Variants in LIMCH1 observed in about 807,000 individuals in gnomAD.
LIMCH1 encodes LIM and calponin homology domains-containing protein 1.
A neutral mutation model predicts 176.5 loss-of-function variants in LIMCH1; 113 were observed. The ratio of observed to expected loss-of-function variants is 0.64; its 90% CI spans 0.55 to 0.75. The LOEUF is 0.75. Ranked by LOEUF, LIMCH1 falls within the 30% of genes least tolerant of loss-of-function variation. The pLI, the probability that LIMCH1 is intolerant of heterozygous loss-of-function variation, is 0.00. For synonymous variants in LIMCH1, 619 were observed against 645.9 expected (o/e 0.96, Z 0.63); for missense variants, 1,674 against 1,814.9 (o/e 0.92, Z 1.41).
intron 1 of LIMCH1, among the ~76,000 whole-genome samples, chr4:41,411,480 A>G (rs979027206): frequency 1.3e-5 from 2 of 152,020 alleles, no homozygotes; most frequent in African/African-American, 4.8e-5. Context: ...AGTAGCTGGG[A>G]CTATAGGTGC....
chr4:41,580,498 A>T (rs2085236621), intron 1 of LIMCH1, among the ~76,000 whole-genome samples: 1 of 152,218 alleles, frequency 6.6e-6, no homozygotes, highest in Non-Finnish European at 1.5e-5. Context: ...AGTGAAAGTT[A>T]TCAGAGAAGA....
intron 4 of LIMCH1, 79 bp downstream of exon 4, chr4:41,606,083 C>T: frequency 1.0e-6 from 1 of 960,894 alleles, no homozygotes; most frequent in Non-Finnish European, 1.6e-6. Flanking sequence ...TTTAAGATTA[C>T]TAGAGTACTG....
At chr4:41,609,558 A>G (rs1105886) in intron 4 of LIMCH1, 314,637 of 438,634 alleles carry the variant, frequency 0.72, 114,196 homozygotes, top group East Asian at 0.86. Flanking sequence ...AATGTTGAGC[A>G]GTAAAAGAGA....
chr4:41,681,587 C>G (rs1432983022), intron 25 of LIMCH1, among the ~76,000 whole-genome samples: 1 of 151,996 alleles, frequency 6.6e-6, no homozygotes, highest in Non-Finnish European at 1.5e-5. Flanking sequence ...ATCCCTTAAG[C>G]CAAGGAGGTA....
At chr4:41,581,720 C>T (rs552748024) in intron 1 of LIMCH1, among the ~76,000 whole-genome samples, 9 of 143,798 alleles carry the variant, frequency 6.3e-5, no homozygotes, top group East Asian at 2.2e-4. Flanking sequence ...GCAGGAGAAT[C>T]GTTTGAACCT....
At chr4:41,679,889 A>G in intron 23 of LIMCH1, 117 bp from the exon 24 acceptor site, 3 of 633,710 alleles carry the variant, frequency 4.7e-6, no homozygotes, top group Non-Finnish European at 8.2e-6. Context: ...TAAATTCAGA[A>G]TCCTAACAAG....
chr4:41,400,539 C>G (rs1012656695), intron 1 of LIMCH1, among the ~76,000 whole-genome samples: 3 of 152,100 alleles, frequency 2.0e-5, no homozygotes, highest in African/African-American at 7.2e-5. Flanking sequence ...TACTCTCTCT[C>G]TTATTATGTG....
intron 23 of LIMCH1, 23 bp from the exon 24 acceptor site, chr4:41,679,983 A>C (rs572625141): frequency 6.5e-7 from 1 of 1,547,946 alleles, no homozygotes; most frequent in Admixed American, 1.7e-5. Flanking sequence ...AGTTGAGAAC[A>C]ATCTATGGAA....
chr4:41,629,404 A>C (rs1044242992), intron 8 of LIMCH1, 88 bp from the exon 9 acceptor site: 2 of 1,436,532 alleles, frequency 1.4e-6, no homozygotes, highest in African/African-American at 2.8e-5. Context: ...TCAGCCTGTG[A>C]GTTTCCATGC....
At chr4:41,605,363 T>G in intron 3 of LIMCH1, among the ~76,000 whole-genome samples, 1 of 152,206 alleles carries the variant, frequency 6.6e-6, no homozygotes, top group East Asian at 1.9e-4. Context: ...TTTAATTAGA[T>G]ATATTATGTT....
intron 21 of LIMCH1, among the ~76,000 whole-genome samples, chr4:41,667,707 C>T (rs2094876101): frequency 6.6e-6 from 1 of 152,078 alleles, no homozygotes; most frequent in Non-Finnish European, 1.5e-5. Context: ...TCCCAGGTGC[C>T]CATGACCACC....
intron 2 of LIMCH1, among the ~76,000 whole-genome samples, chr4:41,505,071 T>G (rs2073970577): frequency 6.6e-6 from 1 of 152,164 alleles, no homozygotes; most frequent in African/African-American, 2.4e-5. Context: ...GAATTGAAAA[T>G]ATGTATAAAA....
intron 2 of LIMCH1, among the ~76,000 whole-genome samples, chr4:41,500,619 A>G (rs991798438): frequency 2.6e-5 from 4 of 152,202 alleles, no homozygotes; most frequent in Admixed American, 2.6e-4. Context: ...TTATTTTCCA[A>G]TTCTTGCTTT....
chr4:41,381,996 T>A (rs1383057988), intron 1 of LIMCH1, among the ~76,000 whole-genome samples: 1 of 152,232 alleles, frequency 6.6e-6, no homozygotes, highest in Non-Finnish European at 1.5e-5. Flanking sequence ...CATTGCCAGA[T>A]GCCCCCAAGG....
At chr4:41,462,794 CT>C (rs925254248) in intron 1 of LIMCH1, among the ~76,000 whole-genome samples, 2 of 152,062 alleles carry the variant, frequency 1.3e-5, no homozygotes, top group Non-Finnish European at 2.9e-5. Context: ...GTCTGTTTGG[CT>C]TTTTTTCCCC....
chr4:41,676,231 T>G (rs2095213643), intron 22 of LIMCH1, 151 bp from the exon 23 acceptor site: 1 of 536,042 alleles, frequency 1.9e-6, no homozygotes, highest in African/African-American at 1.9e-5. Context: ...AAATGGTTTC[T>G]GCCACCAAAG....
intron 1 of LIMCH1, among the ~76,000 whole-genome samples, chr4:41,387,377 A>G (rs2056640005): frequency 6.6e-6 from 1 of 152,248 alleles, no homozygotes; most frequent in Admixed American, 6.5e-5. Context: ...AAATACATTT[A>G]TTTTACAATG....
intron 1 of LIMCH1, among the ~76,000 whole-genome samples, chr4:41,367,883 A>AAG (rs1554014950): frequency 2.7e-5 from 4 of 150,706 alleles, no homozygotes; most frequent in African/African-American, 9.7e-5. Flanking sequence ...AAAAAAAAAA[A>AAG]AAAGAAATCA....
chr4:41,534,250 A>G (rs1422764067), upstream of LIMCH1, among the ~76,000 whole-genome samples: 3 of 152,236 alleles, frequency 2.0e-5, no homozygotes, highest in Non-Finnish European at 4.4e-5. Flanking sequence ...TATGCCATCA[A>G]TGATGACACA....
Sources: gnomAD v4.1 joint callset for allele counts (sites outside exome capture counted in the v4.1 genomes callset) on GRCh38, gnomAD v4.1.1 for gene constraint, MANE v1.5 for transcripts, NCBI Gene and HGNC (gene_info 2026-07-23, HGNC 2026-07-21) for gene names.